Variants in DERA observed in about 807,000 individuals in gnomAD.
DERA encodes deoxyribose-phosphate aldolase, also known as 2-deoxy-D-ribose 5-phosphate aldolase.
In DERA, 15 loss-of-function variants were observed where a neutral mutation model predicts 41.1. The ratio of observed to expected loss-of-function variants is 0.37; its 90% confidence interval spans 0.24 to 0.56. DERA has a LOEUF of 0.56. Among genes scored for constraint, DERA ranks in the 20% least tolerant of loss-of-function variants. DERA has a pLI of 0.81. For synonymous variants in DERA, 139 were observed against 137.4 expected (o/e 1.01, Z -0.08); for missense variants, 396 against 403.4 (o/e 0.98, Z 0.16).
chr12:15,932,229 T>C (rs1210376147), intron 1 of DERA, among the ~76,000 whole-genome samples: 2 of 152,246 alleles, frequency 1.3e-5, no homozygotes, highest in Non-Finnish European at 2.9e-5. Context: ...GATTTTTAGA[T>C]GACAGCTTTC....
At position 16,009,637 on chromosome 12, in the gene DERA, T is replaced by A. The variant is rs767808779; in HGVS notation, c.638-22905T>A. ...CCATTTTGGTAATAAATTTAACAGC[T>A]GAATTTTTTTCTCACTAAGGTTTTA... On this transcript the variant is annotated intron_variant, in intron 6 of 8. Transcript: ENST00000428559. This position sits in a 1 kb window ranked among gnomAD's most constrained non-coding sequence, Gnocchi z 5.3. 1.5e-4 allele frequency among the ~76,000 whole-genome samples: 23 copies of A among 152,216 alleles called. No homozygotes were observed. Among genetic ancestry groups the A allele is most frequent in the Non-Finnish European group, 5.9e-5 (4 of 68,028 alleles).
rs1025949555 is a variant in DERA, at chr12:16,013,181, C to G, written c.638-19361C>G. On this transcript the variant is annotated intron_variant, in intron 6 of 8. Coordinates refer to ENST00000428559, the MANE Select transcript of DERA (RefSeq NM_015954.4). This position sits in a 1 kb window ranked among gnomAD's most constrained non-coding sequence, Gnocchi z 5.8. Reference sequence around the variant, plus strand: ...GTCTTTAAAAATCATTTTAAAGAACCATAATTATGAATGTGTTGAAGTATT... The same window carrying G: ...GTCTTTAAAAATCATTTTAAAGAACGATAATTATGAATGTGTTGAAGTATT... 6.6e-6 allele frequency among the ~76,000 whole-genome samples: 1 copy of G among 152,090 alleles called. No homozygotes were observed. Among genetic ancestry groups the G allele is most frequent in the African/African-American group, 2.4e-5 (1 of 41,404 alleles).
chr12:16,036,729 G>C lies in DERA; in HGVS notation c.940G>C (p.Asp314His). Residue 314 changes from aspartate (D) to histidine (H), a missense_variant, in exon 9 of 9, where the codon GAT becomes CAT. Physicochemically the swap from Asp to His is moderately conservative, Grantham distance 81. Transcript: ENST00000428559. The surrounding 1 kb of genome is among the most constrained non-coding windows in gnomAD (Gnocchi z 4.9). ...GACTGGAAGATATGCAGCTTATCAT[G>C]ATCTTCCAATGTCTTAAATCAGTCA... The part of the protein sequence containing the change: ...HVTGRYAAYH[D>H]LPMS 1 of 1,599,184 alleles carries C rather than the reference G, an allele frequency of 6.3e-7. No individual in the cohort carries two copies.
Position 15,999,275 on chromosome 12 carries a change from TGGA to T in DERA, c.637+16846_637+16848del, listed in dbSNP as rs1452019489. 6.6e-6 allele frequency among the ~76,000 whole-genome samples: 1 copy of T among 152,164 alleles called. No individual in the cohort carries two copies. Among genetic ancestry groups the T allele is most frequent in the African/African-American group, 2.4e-5 (1 of 41,422 alleles). ...GTTTATCAGACACTATTCTAGGCAT[TGGA>T]GGAGGATTAGAAGAGAGAATGGAGA... On this transcript the variant is annotated intron_variant, in intron 6 of 8. Transcript: ENST00000428559. This position sits in a 1 kb window ranked among gnomAD's most constrained non-coding sequence, Gnocchi z 5.3.
At position 15,938,324 on chromosome 12, in the gene DERA, A is replaced by G. The variant is rs1948386151; in HGVS notation, c.32-18612A>G. ...AAATATTGAATGATACATTGCCTTT[A>G]TTTTATTGGTAGATCTTCTGTTCAA... On this transcript the variant is annotated intron_variant, in intron 1 of 8. Coordinates refer to ENST00000428559, the MANE Select transcript of DERA (RefSeq NM_015954.4). The surrounding 1 kb of genome is among the most constrained non-coding windows in gnomAD (Gnocchi z 4.1). Among the ~76,000 whole-genome samples, 1 of 152,198 alleles carries G rather than the reference A, an allele frequency of 6.6e-6. No homozygotes were observed. The highest frequency in any genetic ancestry group is 2.1e-4 in the South Asian group (1 of 4,834).
In DERA at chr12:16,010,877, AC is replaced by A. The variant is rs1266674022; in HGVS notation, c.638-21664del. 4.0e-5 allele frequency among the ~76,000 whole-genome samples: 6 copies of A among 151,500 alleles called. No individual in the cohort carries two copies. The highest frequency in any genetic ancestry group is 1.3e-4 in the Admixed American group (2 of 15,236). ...GAAAGACAGGTCACTGTAAAAAGAA[AC>A]TCTACCCACTTATCATCAATTGTTG... On this transcript the variant is annotated intron_variant, in intron 6 of 8. Transcript: ENST00000428559. The surrounding 1 kb of genome is among the most constrained non-coding windows in gnomAD (Gnocchi z 5.5).
chr12:15,932,127 AT>A (rs1948332958), intron 1 of DERA, among the ~76,000 whole-genome samples: 1 of 152,232 alleles, frequency 6.6e-6, no homozygotes, highest in Non-Finnish European at 1.5e-5. Context: ...TAACCAAGAT[AT>A]TGACAATAAC....
chr12:15,930,204 G>C (rs1012601429), intron 1 of DERA, among the ~76,000 whole-genome samples: 8 of 152,136 alleles, frequency 5.3e-5, no homozygotes, highest in Non-Finnish European at 1.2e-4. Flanking sequence ...ATTGTGAACA[G>C]GGGTATTTGC....
rs1428117816 is a variant in DERA, at chr12:16,026,760, C to T, written c.638-5782C>T. ...TTAAGGAAGATATAATACCAGTCTT[C>T]TACAATCTCTTCCGGAAAATAGAAG... On this transcript the variant is annotated intron_variant, in intron 6 of 8. Coordinates refer to ENST00000428559, the MANE Select transcript of DERA (RefSeq NM_015954.4). The surrounding 1 kb of genome is among the most constrained non-coding windows in gnomAD (Gnocchi z 4.4). Among the ~76,000 whole-genome samples, 1 of 152,034 alleles carries T rather than the reference C, an allele frequency of 6.6e-6. No homozygotes were observed. Among genetic ancestry groups the T allele is most frequent in the East Asian group, 1.9e-4 (1 of 5,194 alleles).
In DERA at chr12:15,918,553, G is replaced by GT. The variant is rs547811008; in HGVS notation, c.31+7147dup. Among the ~76,000 whole-genome samples the GT allele has an allele frequency of 3.6e-4, 54 of 151,976 alleles. No individual in the cohort carries two copies. The highest frequency in any genetic ancestry group is 6.3e-4 in the African/African-American group (26 of 41,432). On this transcript the variant is annotated intron_variant, in intron 1 of 8. Transcript: ENST00000428559. The surrounding 1 kb of genome is among the most constrained non-coding windows in gnomAD (Gnocchi z 4.3). ...AAGGGGAAGGGGGCCAGAATAATTT[G>GT]TTTTTTTTAATTTTTAAAATGTAAA...
Position 15,935,560 on chromosome 12 carries a change from A to G in DERA, c.32-21376A>G, listed in dbSNP as rs1448229716. On this transcript the variant is annotated intron_variant, in intron 1 of 8. Coordinates refer to ENST00000428559, the MANE Select transcript of DERA (RefSeq NM_015954.4). This position sits in a 1 kb window ranked among gnomAD's most constrained non-coding sequence, Gnocchi z 4.8. ...GGTATAATATATGTTCAGTTTTCAC[A>G]TATCTGTACCAGTTTCAGTGTAATT... Among the ~76,000 whole-genome samples the G allele has an allele frequency of 6.6e-6, 1 of 152,226 alleles. No individual in the cohort carries two copies. Among genetic ancestry groups the G allele is most frequent in the African/African-American group, 2.4e-5 (1 of 41,454 alleles).
Position 16,016,939 on chromosome 12 carries a change from A to C in DERA, c.638-15603A>C, listed in dbSNP as rs150258160. ...CTTAAGTTTTAAAAGGAAAGGGAAC[A>C]TCTGACTTACTGGACATACTCAAGG... On this transcript the variant is annotated intron_variant, in intron 6 of 8. Coordinates refer to ENST00000428559, the MANE Select transcript of DERA (RefSeq NM_015954.4). Among the ~76,000 whole-genome samples, 61 of 152,282 alleles carry C rather than the reference A, an allele frequency of 4.0e-4. 1 individual carries two copies. The highest frequency in any genetic ancestry group is 1.4e-3 in the African/African-American group (58 of 41,556).
At chr12:16,027,855 G>C (rs573205089) in intron 6 of DERA, among the ~76,000 whole-genome samples, 1 of 152,274 alleles carries the variant, frequency 6.6e-6, no homozygotes, top group East Asian at 1.9e-4. Flanking sequence ...TCCTGAAATT[G>C]CTAAATGAGT....
At chr12:16,022,318 T>A (rs1949021915) in intron 6 of DERA, among the ~76,000 whole-genome samples, 1 of 152,178 alleles carries the variant, frequency 6.6e-6, no homozygotes, top group South Asian at 2.1e-4. Context: ...ATCGTAGGCT[T>A]CCCAAGGCCC....
In DERA at chr12:15,922,303, AC is replaced by A. The variant is rs1344916470; in HGVS notation, c.31+10891del. 9.2e-5 allele frequency among the ~76,000 whole-genome samples: 14 copies of A among 152,166 alleles called. No individual in the cohort carries two copies. Among genetic ancestry groups the A allele is most frequent in the Non-Finnish European group, 1.9e-4 (13 of 68,044 alleles). The stretch of plus-strand genomic sequence containing the variant: ...TTAGCCAGTCAACATTGTATTATTA[AC>A]CTTTAGATAATCATTTAAAAATGCT... On this transcript the variant is annotated intron_variant, in intron 1 of 8. Coordinates refer to ENST00000428559, the MANE Select transcript of DERA (RefSeq NM_015954.4). This position sits in a 1 kb window ranked among gnomAD's most constrained non-coding sequence, Gnocchi z 4.9.
rs1425094786 is a variant in DERA at position 15,935,276 on chromosome 12, C to T, written c.32-21660C>T. Among the ~76,000 whole-genome samples, 1 of 152,058 alleles carries T rather than the reference C, an allele frequency of 6.6e-6. No homozygotes were observed. The highest frequency in any genetic ancestry group is 1.5e-5 in the Non-Finnish European group (1 of 68,014). ...CTGAGGTGGGTGGATCACTTGAGCC[C>T]AGGAGTTCAAGACCACCCTGGGCAA... On this transcript the variant is annotated intron_variant, in intron 1 of 8. Transcript: ENST00000428559. This position sits in a 1 kb window ranked among gnomAD's most constrained non-coding sequence, Gnocchi z 4.8.
At chr12:16,007,772 T>G (rs975157570) in intron 6 of DERA, among the ~76,000 whole-genome samples, 1 of 152,220 alleles carries the variant, frequency 6.6e-6, no homozygotes, top group Admixed American at 6.5e-5. Flanking sequence ...CCTTAGTCTC[T>G]TCCTTCATTT....
At chr12:16,016,123 T>G (rs1948980552) in intron 6 of DERA, among the ~76,000 whole-genome samples, 1 of 152,184 alleles carries the variant, frequency 6.6e-6, no homozygotes, top group Admixed American at 6.5e-5. Context: ...GTCTGCAGAT[T>G]TAGTATTAGT....
In DERA at chr12:15,921,768, A is replaced by G. The variant is rs980075580; in HGVS notation, c.31+10354A>G. ...GAAACTTTGTTTCTGCTAGAAATACATAAAAAAATTAACCGGGCTTGGTGG... is the reference window on the plus strand; with the variant it reads ...GAAACTTTGTTTCTGCTAGAAATACGTAAAAAAATTAACCGGGCTTGGTGG... On this transcript the variant is annotated intron_variant, in intron 1 of 8. Transcript: ENST00000428559. This position sits in a 1 kb window ranked among gnomAD's most constrained non-coding sequence, Gnocchi z 5.3. 2.0e-5 allele frequency among the ~76,000 whole-genome samples: 3 copies of G among 152,030 alleles called. No individual in the cohort carries two copies. Among genetic ancestry groups the G allele is most frequent in the African/African-American group, 7.2e-5 (3 of 41,396 alleles).
Sources: gnomAD v4.1 joint callset for allele counts (sites outside exome capture counted in the v4.1 genomes callset) on GRCh38, gnomAD v4.1.1 for gene constraint, Gnocchi (gnomAD v3.1) non-coding constraint, MANE v1.5 for transcripts, NCBI Gene and HGNC (gene_info 2026-07-23, HGNC 2026-07-21) for gene names.